Variants in DNAH7 observed in about 807,000 individuals in gnomAD.
DNAH7 encodes dynein axonemal heavy chain 7.
In DNAH7, 397 loss-of-function variants were observed where a neutral mutation model predicts 444.6. The ratio of observed to expected loss-of-function variants is 0.89; its 90% CI spans 0.82 to 0.97. The LOEUF is 0.97. Ranked by LOEUF, DNAH7 falls within the 50% of genes least tolerant of loss-of-function variation. The pLI is 0.00. For synonymous variants in DNAH7, 1,636 were observed against 1,624.4 expected (o/e 1.01, Z -0.17); for missense variants, 4,902 against 4,800.8 (o/e 1.02, Z -0.62).
intron 5 of DNAH7, among the ~76,000 whole-genome samples, chr2:196,028,555 T>C (rs1559349851): frequency 1.3e-5 from 2 of 152,190 alleles, no homozygotes; most frequent in African/African-American, 2.4e-5. Flanking sequence ...ATGTATTTAT[T>C]ATTGGGTATG....
chr2:195,836,993 C>T (rs1203312575), intron 47 of DNAH7, among the ~76,000 whole-genome samples: 1 of 152,206 alleles, frequency 6.6e-6, no homozygotes, highest in Non-Finnish European at 1.5e-5. Context: ...TCTCTTTTCT[C>T]TCTGAACTTC....
intron 21 of DNAH7, among the ~76,000 whole-genome samples, chr2:195,933,286 C>T (rs1688825615): frequency 6.6e-6 from 1 of 152,112 alleles, no homozygotes; most frequent in Non-Finnish European, 1.5e-5. Flanking sequence ...AATAGGAACA[C>T]TTACACTGTT....
intron 17 of DNAH7, among the ~76,000 whole-genome samples, 173 bp from the exon 18 acceptor site, chr2:195,961,118 CTTT>C (rs1028366991): frequency 3.3e-5 from 5 of 151,938 alleles, no homozygotes; most frequent in Non-Finnish European, 7.4e-5. Context: ...CTATTTACTT[CTTT>C]TTTTAATTGA....
At chr2:196,060,340 T>C (rs571843781) in intron 1 of DNAH7, among the ~76,000 whole-genome samples, 8 of 152,338 alleles carry the variant, frequency 5.3e-5, no homozygotes, top group African/African-American at 1.9e-4. Flanking sequence ...CCCCAAACTC[T>C]CTTTTCCAAA....
intron 19 of DNAH7, among the ~76,000 whole-genome samples, chr2:195,944,405 TG>T (rs1689662937): frequency 1.3e-5 from 2 of 152,176 alleles, no homozygotes; most frequent in African/African-American, 4.8e-5. Context: ...ACAGGATCTC[TG>T]GTAAGTGCAC....
chr2:195,970,706 T>A (rs541514624), intron 16 of DNAH7, among the ~76,000 whole-genome samples: 1 of 152,316 alleles, frequency 6.6e-6, no homozygotes, highest in Non-Finnish European at 1.5e-5. Context: ...AAAGCCTTAT[T>A]ACATAATTGG....
intron 36 of DNAH7, among the ~76,000 whole-genome samples, chr2:195,877,976 A>G (rs1345363846): frequency 1.3e-5 from 2 of 152,176 alleles, no homozygotes; most frequent in Non-Finnish European, 2.9e-5. Context: ...TTTATGATTA[A>G]AATTTCTTTT....
intron 63 of DNAH7, among the ~76,000 whole-genome samples, chr2:195,746,687 G>C (rs1693429226): frequency 6.6e-6 from 1 of 152,214 alleles, no homozygotes; most frequent in Admixed American, 6.5e-5. Flanking sequence ...TCAGGATTAA[G>C]AAACTCACTC....
At chr2:196,025,697 C>T (rs76736162) in intron 7 of DNAH7, among the ~76,000 whole-genome samples, 412 of 152,242 alleles carry the variant, frequency 2.7e-3, no homozygotes, top group African/African-American at 9.6e-3. Flanking sequence ...GGACTTATTA[C>T]TTTGCTTTAT....
At position 196,059,425 on chromosome 2, in the gene DNAH7, G is replaced by A. The variant is rs146185221; in HGVS notation, c.16-1309C>T. ...GGCCAGTTGTCAATTTATTGCCTCA[G>A]CTCCAAATCTGCCTTTTTTGCCCTC... On this transcript the variant is annotated intron_variant, in intron 1 of 64. Coordinates refer to ENST00000312428, the MANE Select transcript of DNAH7 (RefSeq NM_018897.3). 1.2e-3 allele frequency among the ~76,000 whole-genome samples: 176 copies of A among 152,298 alleles called. 1 individual carries two copies. The highest frequency in any genetic ancestry group is 4.0e-3 in the African/African-American group (168 of 41,556).
At chr2:195,941,602 T>C (rs1389335054) in intron 19 of DNAH7, among the ~76,000 whole-genome samples, 1 of 151,848 alleles carries the variant, frequency 6.6e-6, no homozygotes, top group Non-Finnish European at 1.5e-5. Context: ...AAAAAAGAGA[T>C]AATGCAGTTT....
At position 196,028,008 on chromosome 2, in the gene DNAH7, TC is replaced by T. The variant is rs1284249003; in HGVS notation, c.437del (p.Gly146GlufsTer12). ...DADLDSAVPD[G>X]STIPKPTASA... ...AAGCGGTCGGTTTTGGAATTGTGCT[TC>T]CATCAGGGACAGCTGAGTCTAAGTC... On this transcript the variant is annotated frameshift_variant, in exon 6 of 65. Transcript: ENST00000312428. LOFTEE classifies it high-confidence loss of function. 1.9e-6 allele frequency: 3 copies of T among 1,611,774 alleles called. No homozygotes were observed. In the African/African-American group the frequency reaches 4.0e-5, roughly 22 times the overall value.
At chr2:195,953,125 G>A (rs1690384441) in intron 19 of DNAH7, among the ~76,000 whole-genome samples, 1 of 152,092 alleles carries the variant, frequency 6.6e-6, no homozygotes, top group Admixed American at 6.6e-5. Context: ...TTGTGTGGAT[G>A]CCCTTTTTGT....
intron 12 of DNAH7, among the ~76,000 whole-genome samples, chr2:195,989,053 T>C (rs552631037): frequency 1.2e-4 from 18 of 152,292 alleles, no homozygotes; most frequent in African/African-American, 3.6e-4. Flanking sequence ...CCACTGTGTA[T>C]ATATATATCA....
chr2:195,912,096 A>G (rs889395027), intron 24 of DNAH7, among the ~76,000 whole-genome samples: 1 of 152,182 alleles, frequency 6.6e-6, no homozygotes, highest in Admixed American at 6.5e-5. Context: ...CAGGGCATAT[A>G]AAAGTTAGAT....
chr2:195,785,210 C>T (rs12690520), intron 58 of DNAH7, among the ~76,000 whole-genome samples: 71,982 of 152,072 alleles, frequency 0.47, 18,406 homozygotes, highest in Non-Finnish European at 0.59. Context: ...CGCACCCGGC[C>T]GACCCATTTT....
intron 41 of DNAH7, 22 bp downstream of exon 41, chr2:195,864,127 T>C: frequency 6.3e-7 from 1 of 1,597,972 alleles, no homozygotes; most frequent in South Asian, 1.1e-5. Flanking sequence ...TAGAAGTCTA[T>C]CTAAAATGTA....
rs190523596 is a variant in DNAH7 at position 195,975,825 on chromosome 2, A to G, written c.1834-3359T>C. 4.6e-3 allele frequency among the ~76,000 whole-genome samples: 707 copies of G among 152,240 alleles called. 8 individuals carry two copies. The highest frequency in any genetic ancestry group is 8.3e-3 in the Non-Finnish European group (565 of 68,006). On this transcript the variant is annotated intron_variant, in intron 15 of 64. Transcript: ENST00000312428. ...ACACACATGGGCCAGAAGAAAACCC[A>G]CTGGCTTGAAGGGAGGGATGCAGTC...
chr2:195,808,966 C>G, intron 52 of DNAH7, 90 bp from the exon 53 acceptor site: 1 of 1,133,044 alleles, frequency 8.8e-7, no homozygotes, highest in Non-Finnish European at 1.2e-6. Context: ...TGAGTGTTGA[C>G]TTCCAAGTTT....
Sources: gnomAD v4.1 joint callset for allele counts (sites outside exome capture counted in the v4.1 genomes callset) on GRCh38, gnomAD v4.1.1 for gene constraint, MANE v1.5 for transcripts, NCBI Gene and HGNC (gene_info 2026-07-23, HGNC 2026-07-21) for gene names.